Variants in FCSK observed in about 807,000 individuals in gnomAD.
FCSK encodes the protein fucose kinase.
Under a neutral mutation model 122.5 loss-of-function variants are expected in FCSK, and 123 were observed. The observed-to-expected ratio is 1.00, with a 90% CI of 0.87 to 1.17. FCSK has a LOEUF of 1.17. FCSK is among the 50% of genes most tolerant of loss of function. The pLI, the probability that FCSK is intolerant of heterozygous loss-of-function variation, is 0.00. For missense variants in FCSK, 1,366 were observed against 1,450.4 expected (o/e 0.94, Z 0.95); for synonymous variants, 620 against 625.5 (o/e 0.99, Z 0.13).
rs1185982026 is a variant in FCSK at position 70,475,777 on chromosome 16, T to G, written c.2641+10T>G. The G allele has an allele frequency of 1.9e-6, 3 of 1,553,686 alleles. No individual in the cohort carries two copies. Among genetic ancestry groups the G allele is most frequent in the Non-Finnish European group, 2.6e-6 (3 of 1,148,318 alleles). The stretch of plus-strand genomic sequence containing the variant: ...CAGGTGCTCACCACTGGTATGTGAC[T>G]GCCCTGGAGTTGGAGGAGGTCACTG... On this transcript the variant is annotated intron_variant, in intron 20 of 23. Coordinates refer to ENST00000288078, the MANE Select transcript of FCSK (RefSeq NM_145059.3).
chr16:70,474,469 A>C lies in FCSK; in HGVS notation c.1989-59A>C, dbSNP rs1251769683. On this transcript the variant is annotated intron_variant, in intron 16 of 23. Coordinates refer to ENST00000288078, the MANE Select transcript of FCSK (RefSeq NM_145059.3). ...CCGGGACAGTCAGGTCCCCAAAGCC[A>C]GGCAATCTGCCCCCAGCTTGGGGCT... 4.5e-6 allele frequency: 7 copies of C among 1,546,200 alleles called. No individual in the cohort carries two copies. The Admixed American group carries it at 7.9e-5, about 17-fold the overall frequency.
In FCSK at chr16:70,474,324, A is replaced by T. The variant is rs771676730; in HGVS notation, c.1973A>T (p.Asp658Val). Residue 658 changes from aspartate to valine, a missense_variant, in exon 16 of 24, where the codon GAC (aspartate) becomes GTC (valine). Physicochemically the swap from Asp to Val is radical, Grantham distance 152 (BLOSUM62 -3). Coordinates refer to ENST00000288078, the MANE Select transcript of FCSK (RefSeq NM_145059.3). The stretch of plus-strand genomic sequence containing the variant: ...GTGGAGGCGCTTGCCCAGGAGAGGG[A>T]CAAGTGGCTAAGCAGGTGTGTACTA... Reference protein sequence around the residue: ...AGVEALAQERDKWLSRPALLV... With the variant: ...AGVEALAQERVKWLSRPALLV... 1 of 1,613,390 alleles carries T rather than the reference A, an allele frequency of 6.2e-7. No individual in the cohort carries two copies. The highest frequency in any genetic ancestry group is 8.5e-7 in the Non-Finnish European group (1 of 1,179,884).
chr16:70,469,375 C>G, intron 10 of FCSK, 52 bp downstream of exon 10: 1 of 1,505,570 alleles, frequency 6.6e-7, no homozygotes, highest in Non-Finnish European at 8.9e-7. Flanking sequence ...GGAGTGAGGA[C>G]CCCAAGAATG....
Position 70,474,824 on chromosome 16 carries a change from G to T in FCSK, c.2190G>T (p.Glu730Asp). 6.3e-7 allele frequency: 1 copy of T among 1,590,170 alleles called. No homozygotes were observed. Among genetic ancestry groups the T allele is most frequent in the Non-Finnish European group, 8.6e-7 (1 of 1,168,992 alleles). ...GTGACACGCCACCCCTTGCCTATGA[G>T]CTTGGCGGGGCTGTGCTGGGCCTGG... ...GWSDTPPLAY[E>D]LGGAVLGLAV... Residue 730 changes from glutamate to aspartate, a missense_variant, in exon 18 of 24, where the codon GAG becomes GAT. Glu to Asp is a conservative substitution (Grantham distance 45). Coordinates refer to ENST00000288078, the MANE Select transcript of FCSK (RefSeq NM_145059.3).
At chr16:70,465,320 C>T in intron 4 of FCSK, 144 bp downstream of exon 4, 1 of 813,390 alleles carries the variant, frequency 1.2e-6, no homozygotes, top group South Asian at 1.8e-5. Flanking sequence ...TGGGAAATGG[C>T]TAAATATATA....
Position 70,479,209 on chromosome 16 carries a change from A to G in FCSK, c.2959A>G (p.Thr987Ala). The stretch of plus-strand genomic sequence containing the variant: ...CCTGCCTCTGCTGGGCCAGTGCCTG[A>G]CCTCGTACTGGGAGCAGAAGAAGCT... The part of the protein sequence containing the change: ...GSLPLLGQCL[T>A]SYWEQKKLMA... Residue 987 changes from threonine to alanine, a missense_variant, in exon 23 of 24, where the codon ACC (threonine) becomes GCC (alanine). Transcript: ENST00000288078. The G allele has an allele frequency of 6.2e-7, 1 of 1,613,520 alleles. No individual in the cohort carries two copies. Among genetic ancestry groups the G allele is most frequent in the Non-Finnish European group, 8.5e-7 (1 of 1,180,010 alleles).
At chr16:70,479,436 T>C (rs1394468093) in intron 23 of FCSK, 33 bp downstream of exon 23, 1 of 1,584,480 alleles carries the variant, frequency 6.3e-7, no homozygotes, top group Admixed American at 1.7e-5. Flanking sequence ...TAAAGAGACC[T>C]CTGGGGGCAA....
intron 1 of FCSK, among the ~76,000 whole-genome samples, chr16:70,459,963 G>A (rs2048211893): frequency 6.6e-6 from 1 of 151,712 alleles, no homozygotes; most frequent in South Asian, 2.1e-4. Context: ...CACCACATCT[G>A]GCTAATTTTT....
chr16:70,467,340 C>T (rs1219317152), intron 6 of FCSK, 34 bp from the exon 7 acceptor site: 7 of 1,496,292 alleles, frequency 4.7e-6, no homozygotes, highest in Admixed American at 3.7e-5. Context: ...TGGGTGGAGG[C>T]CCCTGGGAGC....
chr16:70,463,715 G>A lies in FCSK; in HGVS notation c.175G>A (p.Ala59Thr). Residue 59 changes from alanine to threonine, a missense_variant, in exon 3 of 24, where the codon GCC becomes ACC. By Grantham distance (58) the Ala-to-Thr change is moderately conservative. Coordinates refer to ENST00000288078, the MANE Select transcript of FCSK (RefSeq NM_145059.3). ...AGAGAAGCGTGTGGGCAGCGGAGGAGCCACCCTCAACGCCCTGCTGGTGGC... is the reference window on the plus strand; with the variant it reads ...AGAGAAGCGTGTGGGCAGCGGAGGAACCACCCTCAACGCCCTGCTGGTGGC... The part of the protein sequence containing the change: ...DPEKRVGSGG[A>T]TLNALLVAAE... 1 of 1,612,772 alleles carries A rather than the reference G, an allele frequency of 6.2e-7. No individual in the cohort carries two copies.
chr16:70,466,202 C>T lies in FCSK; in HGVS notation c.356C>T (p.Pro119Leu), dbSNP rs759536913. ...TCLPVENPEA[P>L]VEALVCNLDC... Reference sequence around the variant, plus strand: ...CTCCCCGTGGAGAACCCCGAGGCCCCCGTGGAAGCCTTGGTCTGCAACCTG... The same window carrying T: ...CTCCCCGTGGAGAACCCCGAGGCCCTCGTGGAAGCCTTGGTCTGCAACCTG... The change falls in exon 5 of 24, where the codon CCC becomes CTC. Residue 119 changes from proline to leucine, a missense_variant. Physicochemically the swap from Pro to Leu is moderately conservative, Grantham distance 98. Coordinates refer to ENST00000288078, the MANE Select transcript of FCSK (RefSeq NM_145059.3). 6.2e-7 allele frequency: 1 copy of T among 1,613,894 alleles called. No homozygotes were observed. The highest frequency in any genetic ancestry group is 8.5e-7 in the Non-Finnish European group (1 of 1,179,912).
chr16:70,459,751 T>C (rs1405180134), intron 1 of FCSK, among the ~76,000 whole-genome samples: 2 of 146,108 alleles, frequency 1.4e-5, no homozygotes, highest in Non-Finnish European at 3.0e-5. Context: ...TGACATGGCC[T>C]CCCAAAATGC....
rs747756834 is a variant in FCSK at position 70,479,338 on chromosome 16, C to CTCTA, written c.3092_3095dup (p.Leu1033SerfsTer31). 2.2e-5 allele frequency: 35 copies of CTCTA among 1,613,850 alleles called. No homozygotes were observed. In the Admixed American group the frequency reaches 4.7e-4, roughly 22 times the overall value. ...GGCTGGGGCAGGCGGTGGAGGCTTTCTCTATCTGTTGACCAAGGAGCCACA... is the reference window on the plus strand; with the variant it reads ...GGCTGGGGCAGGCGGTGGAGGCTTTCTCTATCTATCTGTTGACCAAGGAGCCACA... On this transcript the variant is annotated frameshift_variant, in exon 23 of 24. Transcript: ENST00000288078. LOFTEE classifies it high-confidence loss of function.
chr16:70,475,878 G>A (rs1423736270), intron 20 of FCSK, 111 bp downstream of exon 20: 2 of 1,134,670 alleles, frequency 1.8e-6, no homozygotes, highest in African/African-American at 1.6e-5. Flanking sequence ...CCACAAGACT[G>A]TGCTGCTGTT....
At chr16:70,471,584 G>A (rs1434363295) in intron 13 of FCSK, among the ~76,000 whole-genome samples, 2 of 152,200 alleles carry the variant, frequency 1.3e-5, no homozygotes, top group East Asian at 3.9e-4. Context: ...TGCTCTGCCA[G>A]GTGGGCTGGG....
In FCSK at chr16:70,472,502, T is replaced by C. The variant is rs1284453405; in HGVS notation, c.1342-39T>C. ...GCCGAGTGTCTCTAACCCTTTCCTG[T>C]GGCCCCTGCAGCCCTGACTGCTTCT... is the stretch of plus-strand genomic sequence containing the variant. On this transcript the variant is annotated intron_variant, in intron 13 of 23. Coordinates refer to ENST00000288078, the MANE Select transcript of FCSK (RefSeq NM_145059.3). 2.6e-6 allele frequency: 4 copies of C among 1,554,188 alleles called. No individual in the cohort carries two copies. The Admixed American group carries it at 7.0e-5, about 27-fold the overall frequency.
In FCSK at chr16:70,466,524, C is replaced by A. The variant is rs549267513; in HGVS notation, c.411+267C>A. 11 of 484,356 alleles carry A rather than the reference C, an allele frequency of 2.3e-5. No homozygotes were observed. In the South Asian group the frequency reaches 3.2e-4, roughly 14 times the overall value. The allele number at this position is 484,356 out of a possible 1,614,324, so 30.0% of individuals were successfully genotyped here. On this transcript the variant is annotated intron_variant, in intron 5 of 23. Transcript: ENST00000288078. ...CCTGGGCAACACAGCAAGACCCCAT[C>A]TCTACAAAAAAATTTTTAAAAAATT...
At chr16:70,465,050 T>G (rs1226336864) in intron 3 of FCSK, 76 bp from the exon 4 acceptor site, 1 of 1,588,770 alleles carries the variant, frequency 6.3e-7, no homozygotes, top group African/African-American at 1.3e-5. Context: ...TTGGAGTCTC[T>G]CTCTGGATTC....
intron 8 of FCSK, among the ~76,000 whole-genome samples, chr16:70,468,279 G>C (rs2048488680): frequency 1.3e-5 from 2 of 152,216 alleles, no homozygotes; most frequent in Non-Finnish European, 2.9e-5. Flanking sequence ...AATTAGCTGA[G>C]CATGGTGGTG....
Sources: allele counts gnomAD v4.1 joint callset (sites outside exome capture counted in the v4.1 genomes callset), GRCh38; gene constraint gnomAD v4.1.1; transcripts MANE v1.5; gene names NCBI Gene and HGNC (gene_info 2026-07-23, HGNC 2026-07-21).